The following ADCY8 variants were observed in gnomAD, a reference collection of about 807,000 sequenced individuals.
ADCY8 encodes the protein adenylate cyclase type 8.
Under a neutral mutation model 119.7 loss-of-function variants are expected in ADCY8, and 51 were observed. The observed-to-expected ratio is 0.43, with a 90% CI of 0.34 to 0.54. The LOEUF is 0.54. Ranked by LOEUF, ADCY8 falls within the 20% of genes least tolerant of loss-of-function variation. ADCY8 has a pLI of 0.03. For synonymous variants in ADCY8, 665 were observed against 651.0 expected (o/e 1.02, Z -0.33); for missense variants, 1,383 against 1,598.8 (o/e 0.87, Z 2.30).
At chr8:130,973,025 T>C (rs1244950180) in intron 2 of ADCY8, among the ~76,000 whole-genome samples, 1 of 152,194 alleles carries the variant, frequency 6.6e-6, no homozygotes, top group African/African-American at 2.4e-5. Flanking sequence ...CTTTAAACCC[T>C]TAACATGAAA....
intron 12 of ADCY8, among the ~76,000 whole-genome samples, chr8:130,831,503 G>A (rs1816833156): frequency 6.6e-6 from 1 of 152,182 alleles, no homozygotes; most frequent in African/African-American, 2.4e-5. Context: ...TCTAGAGAAT[G>A]ATAGGTTGGA....
At chr8:130,888,965 G>A (rs750256299) in intron 7 of ADCY8, among the ~76,000 whole-genome samples, 33 of 152,066 alleles carry the variant, frequency 2.2e-4, no homozygotes, top group Non-Finnish European at 3.5e-4. Flanking sequence ...ATCCAGTTTT[G>A]TTGAGTCAAA....
At chr8:130,965,854 C>G (rs1052925536) in intron 2 of ADCY8, among the ~76,000 whole-genome samples, 1 of 152,142 alleles carries the variant, frequency 6.6e-6, no homozygotes, top group African/African-American at 2.4e-5. Flanking sequence ...ATTAACCAAG[C>G]AACAGCCCAT....
intron 9 of ADCY8, among the ~76,000 whole-genome samples, chr8:130,853,096 G>T (rs986329591): frequency 6.6e-6 from 1 of 152,212 alleles, no homozygotes; most frequent in African/African-American, 2.4e-5. Context: ...ACTATCGGGG[G>T]TGCTCAGTGG....
At chr8:130,957,933 G>C (rs930378746) in intron 2 of ADCY8, among the ~76,000 whole-genome samples, 1 of 152,210 alleles carries the variant, frequency 6.6e-6, no homozygotes, top group Non-Finnish European at 1.5e-5. Flanking sequence ...TACAGGGATG[G>C]GACATTCATG....
intron 14 of ADCY8, among the ~76,000 whole-genome samples, chr8:130,803,419 A>G (rs1483058186): frequency 6.6e-6 from 1 of 152,220 alleles, no homozygotes; most frequent in African/African-American, 2.4e-5. Flanking sequence ...CATGAGGGCA[A>G]AAACCACATG....
intron 5 of ADCY8, among the ~76,000 whole-genome samples, chr8:130,929,746 C>G (rs1203519831): frequency 6.6e-6 from 1 of 152,098 alleles, no homozygotes; most frequent in Non-Finnish European, 1.5e-5. Context: ...AAGTCCTCTA[C>G]TATAGTTATA....
At chr8:130,878,516 G>A (rs1396823850) in intron 8 of ADCY8, among the ~76,000 whole-genome samples, 3 of 152,172 alleles carry the variant, frequency 2.0e-5, no homozygotes, top group Admixed American at 1.3e-4. Context: ...CTCTGAAGAT[G>A]TGGGGCAAGT....
intron 1 of ADCY8, among the ~76,000 whole-genome samples, chr8:130,994,574 A>G (rs971305276): frequency 1.3e-5 from 2 of 152,186 alleles, no homozygotes; most frequent in African/African-American, 4.8e-5. Context: ...CTTACCATAA[A>G]CCCATCATTT....
chr8:130,859,085 AAGATGTGAGTGGT>A (rs1485812260), intron 9 of ADCY8, among the ~76,000 whole-genome samples: 6 of 152,146 alleles, frequency 3.9e-5, no homozygotes, highest in African/African-American at 1.4e-4. Context: ...ATTAGAAACC[AAGATGTGAGTGGT>A]AGATGTGCTC....
intron 1 of ADCY8, among the ~76,000 whole-genome samples, chr8:131,001,247 T>C (rs1822936492): frequency 6.6e-6 from 1 of 152,034 alleles, no homozygotes; most frequent in African/African-American, 2.4e-5. Context: ...TGGAAGGAGA[T>C]TAGACGCTCT....
intron 14 of ADCY8, among the ~76,000 whole-genome samples, chr8:130,801,848 T>A (rs371495153): frequency 3.3e-5 from 5 of 152,034 alleles, no homozygotes; most frequent in East Asian, 1.9e-4. Context: ...TGACTTTTTA[T>A]GCTTTAGTGA....
chr8:131,018,979 T>C (rs532269785), intron 1 of ADCY8, among the ~76,000 whole-genome samples: 4 of 152,214 alleles, frequency 2.6e-5, no homozygotes, highest in South Asian at 2.1e-4. Context: ...GCCACCTCCA[T>C]GGTGAAGTCT....
At chr8:130,871,396 T>C (rs796340881) in intron 8 of ADCY8, among the ~76,000 whole-genome samples, 4 of 152,344 alleles carry the variant, frequency 2.6e-5, no homozygotes, top group African/African-American at 7.2e-5. Flanking sequence ...TATGCAACCT[T>C]GGACAAAATC....
chr8:130,783,907 A>G (rs908917791), intron 16 of ADCY8, 102 bp from the exon 17 acceptor site: 3 of 789,392 alleles, frequency 3.8e-6, no homozygotes, highest in Non-Finnish European at 4.1e-6. Context: ...CCCTACCTGC[A>G]CATCCCTTTA....
intron 3 of ADCY8, among the ~76,000 whole-genome samples, chr8:130,949,280 T>C (rs1487173244): frequency 6.6e-6 from 1 of 152,074 alleles, no homozygotes; most frequent in Non-Finnish European, 1.5e-5. Flanking sequence ...CCTGAGCATG[T>C]TGGTGTGGAC....
rs115082031 is a variant in ADCY8, at chr8:130,937,320, A to G, written c.1354-120T>C. 2,054 of 1,026,746 alleles carry G rather than the reference A, an allele frequency of 2.0e-3. 29 individuals are homozygous for G. In the African/African-American group the frequency reaches 0.031, roughly 15 times the overall value. The allele number at this position is 1,026,746 out of a possible 1,614,324, so 63.6% of individuals were successfully genotyped here. ...CTGCAACTTGGGGTAAGGAGAACCT[A>G]CCTTTGAAATATACTTCTACCTGTC... On this transcript the variant is annotated intron_variant, in intron 4 of 17. Coordinates refer to ENST00000286355, the MANE Select transcript of ADCY8 (RefSeq NM_001115.3).
intron 1 of ADCY8, among the ~76,000 whole-genome samples, chr8:131,006,545 GTC>G (rs1293589045): frequency 6.6e-6 from 1 of 152,116 alleles, no homozygotes; most frequent in Non-Finnish European, 1.5e-5. Context: ...TACCTAAAAA[GTC>G]TATCTAAACA....
intron 12 of ADCY8, among the ~76,000 whole-genome samples, chr8:130,829,343 C>A (rs1816759595): frequency 6.6e-6 from 1 of 152,086 alleles, no homozygotes; most frequent in Non-Finnish European, 1.5e-5. Flanking sequence ...GGTCTGGTTC[C>A]CAGGTAAGAG....
Sources: allele counts gnomAD v4.1 joint callset (sites outside exome capture counted in the v4.1 genomes callset), GRCh38; gene constraint gnomAD v4.1.1; transcripts MANE v1.5; gene names NCBI Gene and HGNC (gene_info 2026-07-23, HGNC 2026-07-21).